CDH1: variants seen among roughly 807,000 people sequenced by gnomAD.
CDH1 encodes cadherin 1, also known as cadherin-1.
A neutral mutation model predicts 84.5 loss-of-function variants in CDH1; 35 were observed. The ratio of observed to expected loss-of-function variants is 0.41; its 90% CI spans 0.32 to 0.55. CDH1 has a LOEUF of 0.55. Among genes scored for constraint, CDH1 ranks in the 20% least tolerant of loss-of-function variants. CDH1 has a pLI of 0.19. For missense variants in CDH1, 994 were observed against 1,126.6 expected (o/e 0.88, Z 1.68); for synonymous variants, 417 against 439.0 (o/e 0.95, Z 0.63).
intron 3 of CDH1, among the ~76,000 whole-genome samples, chr16:68,805,787 A>T (rs1960639019): frequency 6.6e-6 from 1 of 151,064 alleles, no homozygotes; most frequent in Non-Finnish European, 1.5e-5. Context: ...TAGAAACAGG[A>T]TTTCACCATG....
At chr16:68,828,427 T>G in intron 14 of CDH1, 123 bp downstream of exon 14, 8 of 922,518 alleles carry the variant, frequency 8.7e-6, no homozygotes, top group South Asian at 1.4e-5. Context: ...TTTAAGGCCT[T>G]ACCCAAGAAA....
In CDH1 at chr16:68,796,137, C is replaced by T. The variant is rs577188720; in HGVS notation, c.164-5533C>T. On this transcript the variant is annotated intron_variant, in intron 2 of 15. Transcript: ENST00000261769. ...GAGATCCTGCCATGGCACTCCAGCC[C>T]GGGTGACAGTGCGAGACTCTGTCTT... Among the ~76,000 whole-genome samples the T allele has an allele frequency of 4.0e-5, 6 of 151,688 alleles. No individual in the cohort carries two copies. In the Middle Eastern group the frequency reaches 0.01, roughly 258 times the overall value.
chr16:68,773,173 G>A (rs922279846), intron 2 of CDH1, among the ~76,000 whole-genome samples: 4 of 152,050 alleles, frequency 2.6e-5, no homozygotes, highest in African/African-American at 7.3e-5. Context: ...GGAGAAGGTG[G>A]GTGTTTTGTG....
intron 2 of CDH1, among the ~76,000 whole-genome samples, chr16:68,745,550 A>AAATATATATATATG (rs71253605): frequency 5.9e-5 from 3 of 50,506 alleles, no homozygotes; most frequent in African/African-American, 1.1e-4. Flanking sequence ...AAAAAAAAAA[A>AAATATATATATATG]TATATATATA....
chr16:68,827,009 G>A (rs994606972), intron 13 of CDH1, among the ~76,000 whole-genome samples: 6 of 152,084 alleles, frequency 3.9e-5, no homozygotes, highest in African/African-American at 1.2e-4. Flanking sequence ...GGTGGCTCAC[G>A]CCTGTAATCT....
Position 68,808,521 on chromosome 16 carries a change from G to A in CDH1, c.485G>A (p.Ser162Asn), listed in dbSNP as rs1567504603. 1 of 1,614,138 alleles carries A rather than the reference G, an allele frequency of 6.2e-7. No homozygotes were observed. Among genetic ancestry groups the A allele is most frequent in the Non-Finnish European group, 8.5e-7 (1 of 1,180,038 alleles). Reference sequence around the variant, plus strand: ...AGAGACTGGGTTATTCCTCCCATCAGCTGCCCAGAAAATGAAAAAGGCCCA... The same window carrying A: ...AGAGACTGGGTTATTCCTCCCATCAACTGCCCAGAAAATGAAAAAGGCCCA... ...QKRDWVIPPI[S>N]CPENEKGPFP... Residue 162 changes from serine (S) to asparagine (N), a missense_variant, in exon 4 of 16, where the codon AGC becomes AAC. By Grantham distance (46) the Ser-to-Asn change is conservative. Around this residue, in one of 3 missense-constraint regions of CDH1, gnomAD observed 22 missense variants for 50.8 expected, o/e 0.43. Transcript: ENST00000261769.
chr16:68,821,090 T>C (rs1961130736), intron 11 of CDH1, among the ~76,000 whole-genome samples: 1 of 152,206 alleles, frequency 6.6e-6, no homozygotes, highest in Non-Finnish European at 1.5e-5. Context: ...CCGTATCGTA[T>C]ACTAATATTG....
At chr16:68,758,002 C>T (rs1163625829) in intron 2 of CDH1, among the ~76,000 whole-genome samples, 4 of 132,402 alleles carry the variant, frequency 3.0e-5, no homozygotes, top group East Asian at 2.2e-4. Context: ...TTTGTAGAGA[C>T]GAGGTTTTGC....
At chr16:68,737,961 C>T (rs1009541006) in intron 1 of CDH1, among the ~76,000 whole-genome samples, 1 of 152,186 alleles carries the variant, frequency 6.6e-6, no homozygotes, top group Non-Finnish European at 1.5e-5. Context: ...GCGCCCCTCG[C>T]TCTGAGGAGT....
At chr16:68,748,942 C>T (rs150338776) in intron 2 of CDH1, among the ~76,000 whole-genome samples, 135 of 152,322 alleles carry the variant, frequency 8.9e-4, no homozygotes, top group African/African-American at 3.1e-3. Context: ...TGGGTTCAAG[C>T]GATTCTCCTG....
At chr16:68,751,952 A>AT (rs34163550) in intron 2 of CDH1, among the ~76,000 whole-genome samples, 7,821 of 125,700 alleles carry the variant, frequency 0.062, 451 homozygotes, top group African/African-American at 0.14. Context: ...GTATTTTTGT[A>AT]TTTTTTTTTT....
At chr16:68,766,364 TG>T (rs1344464135) in intron 2 of CDH1, among the ~76,000 whole-genome samples, 16 of 152,312 alleles carry the variant, frequency 1.1e-4, no homozygotes, top group African/African-American at 3.8e-4. Context: ...ATTCACAACT[TG>T]TCCCTAACTG....
At chr16:68,813,659 C>T (rs970682087) in intron 9 of CDH1, 164 bp downstream of exon 9, 4 of 780,160 alleles carry the variant, frequency 5.1e-6, no homozygotes, top group East Asian at 4.9e-5. Context: ...TCTTCCTGCT[C>T]ATGTAAGAAA....
At chr16:68,740,215 T>C (rs1962527127) in intron 2 of CDH1, among the ~76,000 whole-genome samples, 1 of 152,140 alleles carries the variant, frequency 6.6e-6, no homozygotes, top group Non-Finnish European at 1.5e-5. Flanking sequence ...AGGGAACACC[T>C]CCACTGTGTC....
At chr16:68,810,364 G>A (rs2152131247) in intron 6 of CDH1, 23 bp downstream of exon 6, 2 of 1,609,952 alleles carry the variant, frequency 1.2e-6, no homozygotes, top group Non-Finnish European at 1.7e-6. Context: ...ATGAGAATCT[G>A]AATACTCAGA....
chr16:68,812,269 T>G lies in CDH1; in HGVS notation c.1137+6T>G. Reference sequence around the variant, plus strand: ...CGATCTTCAATCCCACCACGGTAATTCTATAACTCCTTAGAGGGTTTCCAA... The same window carrying G: ...CGATCTTCAATCCCACCACGGTAATGCTATAACTCCTTAGAGGGTTTCCAA... On this transcript the variant is annotated splice_donor_region_variant and intron_variant, in intron 8 of 15. Coordinates refer to ENST00000261769, the MANE Select transcript of CDH1 (RefSeq NM_004360.5). 1 of 1,613,998 alleles carries G rather than the reference T, an allele frequency of 6.2e-7. No homozygotes were observed. Among genetic ancestry groups the G allele is most frequent in the Non-Finnish European group, 8.5e-7 (1 of 1,179,888 alleles).
intron 8 of CDH1, 70 bp downstream of exon 8, chr16:68,812,333 C>T: frequency 6.6e-7 from 1 of 1,518,226 alleles, no homozygotes; most frequent in Non-Finnish European, 9.1e-7. Context: ...AGTGTCACCA[C>T]TGCTCATGGG....
intron 2 of CDH1, among the ~76,000 whole-genome samples, chr16:68,750,255 G>A (rs114823429): frequency 0.065 from 9,539 of 146,906 alleles, 718 homozygotes; most frequent in African/African-American, 0.19. Flanking sequence ...GCTGAACAGC[G>A]CTTCTCTTCC....
intron 5 of CDH1, 93 bp from the exon 6 acceptor site, chr16:68,810,104 C>T (rs2152130846): frequency 7.3e-7 from 1 of 1,367,910 alleles, no homozygotes; most frequent in Admixed American, 1.7e-5. Flanking sequence ...GAAGGTGTGG[C>T]AGCCAGGGGG....
Sources: allele counts gnomAD v4.1 joint callset (sites outside exome capture counted in the v4.1 genomes callset), GRCh38; gene constraint gnomAD v4.1.1; regional missense constraint gnomAD v4.1.1; transcripts MANE v1.5; gene names NCBI Gene and HGNC (gene_info 2026-07-23, HGNC 2026-07-21).